ETF1: variants seen among roughly 807,000 people sequenced by gnomAD.
The protein encoded by ETF1 is eukaryotic translation termination factor 1.
A neutral mutation model predicts 55.1 loss-of-function variants in ETF1; 4 were observed. The observed-to-expected ratio is 0.07, with a 90% CI of 0.04 to 0.17. The LOEUF is 0.17. Among genes scored for constraint, ETF1 ranks in the 10% least tolerant of loss-of-function variants. ETF1 has a pLI of 1.00. For missense variants in ETF1, 142 were observed against 523.6 expected (o/e 0.27, Z 7.11); for synonymous variants, 157 against 182.3 (o/e 0.86, Z 1.12).
chr5:138,541,649 G>GA (rs1456038283), intron 2 of ETF1: 1 of 1,513,048 alleles, frequency 6.6e-7, no homozygotes, highest in Non-Finnish European at 8.8e-7. Context: ...CTGGAAACCA[G>GA]AATGTCAAAT....
At chr5:138,511,284 GA>G in intron 7 of ETF1, 84 bp from the exon 8 acceptor site, 1 of 1,551,958 alleles carries the variant, frequency 6.4e-7, no homozygotes, top group African/African-American at 1.4e-5. Context: ...AATGACTAAA[GA>G]AGATAAAAAA....
intron 2 of ETF1, chr5:138,529,497 G>T: frequency 1.8e-6 from 1 of 543,196 alleles, no homozygotes; most frequent in Non-Finnish European, 2.3e-6. Flanking sequence ...GAATCATGGG[G>T]TACAGCAATG....
intron 4 of ETF1, among the ~76,000 whole-genome samples, chr5:138,514,865 G>A (rs1456006484): frequency 6.6e-6 from 1 of 152,186 alleles, no homozygotes; most frequent in Non-Finnish European, 1.5e-5. Flanking sequence ...TTCTCACAGT[G>A]GAATCGGAAT....
chr5:138,524,033 T>C (rs1765349367), intron 2 of ETF1, among the ~76,000 whole-genome samples: 1 of 151,906 alleles, frequency 6.6e-6, no homozygotes, highest in Non-Finnish European at 1.5e-5. Context: ...AAAAAGTTGC[T>C]GGGTGTGCTA....
chr5:138,517,551 G>A lies in ETF1; in HGVS notation c.402+10C>T, dbSNP rs1407114075. Reference sequence around the variant, plus strand: ...GGAGCGATGAAAATGTTCTGGGTTTGACTTCTTACCTCTGTATGGAATTTG... The same window carrying A: ...GGAGCGATGAAAATGTTCTGGGTTTAACTTCTTACCTCTGTATGGAATTTG... On this transcript the variant is annotated intron_variant, in intron 4 of 10. Coordinates refer to ENST00000360541, the MANE Select transcript of ETF1 (RefSeq NM_004730.4). 2.6e-6 allele frequency: 4 copies of A among 1,544,388 alleles called. No individual in the cohort carries two copies. Among genetic ancestry groups the A allele is most frequent in the Non-Finnish European group, 3.5e-6 (4 of 1,130,988 alleles).
At chr5:138,508,845 TG>T in intron 9 of ETF1, 29 bp from the exon 10 acceptor site, 1 of 1,608,152 alleles carries the variant, frequency 6.2e-7, no homozygotes, top group African/African-American at 1.3e-5. Flanking sequence ...GATACAAAAA[TG>T]GGGGATTAGG....
In ETF1 at chr5:138,511,143, T is replaced by C; in HGVS notation, c.920A>G (p.Asp307Gly). The change falls in exon 8 of 11, where the codon GAT (aspartate) becomes GGT (glycine). Residue 307 changes from aspartate to glycine, a missense_variant. Physicochemically the swap from Asp to Gly is moderately conservative, Grantham distance 94. Transcript: ENST00000360541. ...DTGKYCFGVE[D>G]TLKALEMGAV... is the part of the protein sequence containing the mutation. ...TCCCATTTCCAAAGCCTTTAGTGTA[T>C]CTTCAACGCCAAAACAGTACTTGCC... 1 of 1,614,120 alleles carries C rather than the reference T, an allele frequency of 6.2e-7. No individual in the cohort carries two copies. Among genetic ancestry groups the C allele is most frequent in the Non-Finnish European group, 8.5e-7 (1 of 1,179,972 alleles).
At chr5:138,510,517 C>T (rs764659540) in intron 9 of ETF1, 48 bp downstream of exon 9, 14 of 1,439,810 alleles carry the variant, frequency 9.7e-6, no homozygotes, top group African/African-American at 8.4e-5. Context: ...CTCTAACACA[C>T]GGATTTACGC....
chr5:138,527,172 C>G (rs890435316), intron 2 of ETF1, among the ~76,000 whole-genome samples: 10 of 152,196 alleles, frequency 6.6e-5, no homozygotes, highest in Non-Finnish European at 1.0e-4. Flanking sequence ...GATGAGCTGG[C>G]TGTCCAGTCC....
intron 2 of ETF1, among the ~76,000 whole-genome samples, chr5:138,530,345 C>T (rs1161084118): frequency 6.6e-6 from 1 of 151,596 alleles, no homozygotes; most frequent in African/African-American, 2.4e-5. Flanking sequence ...GTGGTGTGAT[C>T]TCGGCTCACT....
In ETF1 at chr5:138,512,258, A is replaced by ATTTT. The variant is rs58936942; in HGVS notation, c.732+502_732+505dup. On this transcript the variant is annotated intron_variant, in intron 6 of 10. Coordinates refer to ENST00000360541, the MANE Select transcript of ETF1 (RefSeq NM_004730.4). ...TATATATATATATATATATATATATATTTTTTTTTTTTTTTAAAGGCAATT... is the reference window on the plus strand; with the variant it reads ...TATATATATATATATATATATATATATTTTTTTTTTTTTTTTTTTAAAGGCAATT... 1.9e-3 allele frequency among the ~76,000 whole-genome samples: 39 copies of ATTTT among 20,010 alleles called. 1 individual carries two copies. Among genetic ancestry groups the ATTTT allele is most frequent in the African/African-American group, 6.8e-3 (36 of 5,282 alleles). 13.1% of individuals were successfully genotyped at this position (20,010 alleles called of 152,430 possible).
chr5:138,540,545 C>T (rs1409806334), intron 2 of ETF1, among the ~76,000 whole-genome samples: 1 of 152,142 alleles, frequency 6.6e-6, no homozygotes, highest in Non-Finnish European at 1.5e-5. Context: ...CTGGTATATA[C>T]TGGGGAATCT....
At chr5:138,532,347 T>C (rs1266343955) in intron 2 of ETF1, among the ~76,000 whole-genome samples, 8 of 152,230 alleles carry the variant, frequency 5.3e-5, no homozygotes, top group Non-Finnish European at 2.9e-5. Context: ...TATCACTTAA[T>C]GGCCGTGTGA....
chr5:138,523,070 A>G (rs1213028747), intron 2 of ETF1, among the ~76,000 whole-genome samples: 1 of 150,948 alleles, frequency 6.6e-6, no homozygotes, highest in Non-Finnish European at 1.5e-5. Flanking sequence ...AACTGTCACA[A>G]AAGAACACAT....
intron 2 of ETF1, among the ~76,000 whole-genome samples, chr5:138,519,725 T>C (rs1765160680): frequency 1.3e-5 from 2 of 152,016 alleles, no homozygotes; most frequent in East Asian, 3.9e-4. Flanking sequence ...AACATATTAA[T>C]TGCATTTGAG....
At chr5:138,515,673 A>G (rs924388364) in intron 4 of ETF1, among the ~76,000 whole-genome samples, 1 of 152,196 alleles carries the variant, frequency 6.6e-6, no homozygotes, top group African/African-American at 2.4e-5. Context: ...AAGGTTTGGA[A>G]AAAAGCCAAC....
intron 2 of ETF1, among the ~76,000 whole-genome samples, chr5:138,539,787 C>T (rs531718446): frequency 5.3e-5 from 8 of 152,288 alleles, no homozygotes; most frequent in Admixed American, 2.6e-4. Context: ...GCTCAGACTA[C>T]ATTTTAAGGA....
rs1291278506 is a variant in ETF1, at chr5:138,507,296, G to A, written c.*1009C>T. The A allele has an allele frequency of 6.6e-6, 1 of 152,364 alleles. No individual in the cohort carries two copies. Among genetic ancestry groups the A allele is most frequent in the Non-Finnish European group, 1.5e-5 (1 of 68,016 alleles). The allele number at this position is 152,364 out of a possible 1,614,324, so 9.4% of individuals were successfully genotyped here. ...TTACATGCAGTCATACATGTCTGTC[G>A]TTCCTGTGAAAAACCTTGCAGTTCA... On this transcript the variant is annotated 3_prime_UTR_variant, in exon 11 of 11. Coordinates refer to ENST00000360541, the MANE Select transcript of ETF1 (RefSeq NM_004730.4).
intron 2 of ETF1, among the ~76,000 whole-genome samples, chr5:138,537,618 T>C (rs989731972): frequency 6.6e-6 from 1 of 152,114 alleles, no homozygotes. Context: ...GATGGAATCT[T>C]GCTCTGTCGC....
Sources: gnomAD v4.1 joint callset for allele counts (sites outside exome capture counted in the v4.1 genomes callset) on GRCh38, gnomAD v4.1.1 for gene constraint, MANE v1.5 for transcripts, NCBI Gene and HGNC (gene_info 2026-07-23, HGNC 2026-07-21) for gene names.